Variants in CHST12 observed in about 807,000 individuals in gnomAD.
The protein encoded by CHST12 is carbohydrate sulfotransferase 12.
In CHST12, 23 loss-of-function variants were observed where a neutral mutation model predicts 27.9. The observed-to-expected ratio is 0.82, with a 90% CI of 0.59 to 1.17. The LOEUF (loss-of-function observed/expected upper bound fraction) is 1.17. Among genes scored for constraint, CHST12 ranks in the 50% most tolerant of loss-of-function variants. The pLI, the probability that CHST12 is intolerant of heterozygous loss-of-function variation, is 0.00. For synonymous variants in CHST12, 322 were observed against 273.0 expected (o/e 1.18, Z -1.77); for missense variants, 682 against 603.0 (o/e 1.13, Z -1.37).
In CHST12 at chr7:2,433,202, GCCTGCTGCACCGCGGTGCGC is replaced by G. The variant is rs1358786647; in HGVS notation, c.567_586del (p.Leu190ProfsTer198). 1.9e-6 allele frequency: 3 copies of G among 1,612,762 alleles called. No individual in the cohort carries two copies. The highest frequency in any genetic ancestry group is 2.5e-6 in the Non-Finnish European group (3 of 1,179,618). On this transcript the variant is annotated frameshift_variant, in exon 2 of 2. Coordinates refer to ENST00000618655, the MANE Select transcript of CHST12 (RefSeq NM_018641.5). LOFTEE classifies it high-confidence loss of function. The surrounding 1 kb of genome is among the most constrained non-coding windows in gnomAD (Gnocchi z 6.1). ...CGCGTGATGATCGTGCTGAGCGGAA[GCCTGCTGCACCGCGGTGCGC>G]CCTACCGCGACCCGCTGCGCATCCC...
chr7:2,433,041 C>G lies in CHST12; in HGVS notation c.402C>G (p.Asn134Lys). ...RRSVLRGFCA[N>K]SSLAFPTKER... ...GCGTGCTGCGGGGCTTCTGCGCCAA[C>G]TCCAGCCTGGCCTTCCCCACCAAGG... The change falls in exon 2 of 2, where the codon AAC (asparagine) becomes AAG (lysine). Residue 134 changes from asparagine (N) to lysine (K), a missense_variant. Physicochemically the swap from Asn to Lys is moderately conservative, Grantham distance 94. Coordinates refer to ENST00000618655, the MANE Select transcript of CHST12 (RefSeq NM_018641.5). The surrounding 1 kb of genome is among the most constrained non-coding windows in gnomAD (Gnocchi z 6.1). 6.2e-7 allele frequency: 1 copy of G among 1,611,722 alleles called. No individual in the cohort carries two copies. The highest frequency in any genetic ancestry group is 1.7e-5 in the Admixed American group (1 of 60,010).
chr7:2,414,937 G>A (rs1781765788), intron 1 of CHST12, among the ~76,000 whole-genome samples: 1 of 152,148 alleles, frequency 6.6e-6, no homozygotes, highest in Admixed American at 6.5e-5. Flanking sequence ...GATCTCTTTT[G>A]GGACTTTGTG....
chr7:2,413,177 A>G (rs1165995848), intron 1 of CHST12, among the ~76,000 whole-genome samples: 2 of 152,196 alleles, frequency 1.3e-5, no homozygotes, highest in African/African-American at 4.8e-5. Flanking sequence ...GGCCCAGGCC[A>G]CTCAGCAGAG....
In CHST12 at chr7:2,433,929, C is replaced by G. The variant is rs1057460330; in HGVS notation, c.*45C>G. ...TCTCGCGTGCCTGGAACCTGACGCA[C>G]GCGCACTCCAGTTTTTTTATGACCT... On this transcript the variant is annotated 3_prime_UTR_variant, in exon 2 of 2. Coordinates refer to ENST00000618655, the MANE Select transcript of CHST12 (RefSeq NM_018641.5). The surrounding 1 kb of genome is among the most constrained non-coding windows in gnomAD (Gnocchi z 6.1). The G allele has an allele frequency of 6.6e-7, 1 of 1,509,598 alleles. No individual in the cohort carries two copies. Among genetic ancestry groups the G allele is most frequent in the African/African-American group, 1.4e-5 (1 of 71,586 alleles). The allele number at this position is 1,509,598 out of a possible 1,614,324, so 93.5% of individuals were successfully genotyped here.
intron 1 of CHST12, among the ~76,000 whole-genome samples, chr7:2,422,189 A>G (rs1437110733): frequency 6.6e-6 from 1 of 151,042 alleles, no homozygotes; most frequent in East Asian, 1.9e-4. Context: ...TTAATTGGCA[A>G]CTTCCCTCTC....
At position 2,433,450 on chromosome 7, in the gene CHST12, G is replaced by T; in HGVS notation, c.811G>T (p.Ala271Ser). 1 of 1,610,106 alleles carries T rather than the reference G, an allele frequency of 6.2e-7. No individual in the cohort carries two copies. ...LENEEFYRKFAVPMLRLYANH... is the reference protein window; with the variant it reads ...LENEEFYRKFSVPMLRLYANH... ...GAACGAGGAGTTCTACCGCAAGTTC[G>T]CCGTGCCCATGCTGCGGCTGTACGC... is the stretch of plus-strand genomic sequence containing the variant. The change falls in exon 2 of 2, where the codon GCC becomes TCC. Residue 271 changes from alanine to serine, a missense_variant. Coordinates refer to ENST00000618655, the MANE Select transcript of CHST12 (RefSeq NM_018641.5). The surrounding 1 kb of genome is among the most constrained non-coding windows in gnomAD (Gnocchi z 6.1).
rs1583237133 is a variant in CHST12 at position 2,446,458 on chromosome 7, C to T, written c.*12574C>T. The T allele has an allele frequency of 6.6e-6, 1 of 152,118 alleles. No homozygotes were observed. The highest frequency in any genetic ancestry group is 1.9e-4 in the East Asian group (1 of 5,160). 9.4% of individuals were successfully genotyped at this position (152,118 alleles called of 1,614,324 possible). ...AGGAAGTGGTTCCACCCCAGGCAGC[C>T]AACAAGGCGGTGCCTGAACTATGTC... On this transcript the variant is annotated 3_prime_UTR_variant, in exon 2 of 2. Coordinates refer to ENST00000618655, the MANE Select transcript of CHST12 (RefSeq NM_018641.5).
At chr7:2,418,471 C>G (rs1781869823) in intron 1 of CHST12, among the ~76,000 whole-genome samples, 1 of 152,338 alleles carries the variant, frequency 6.6e-6, no homozygotes. Flanking sequence ...GGTTATACGT[C>G]TGTTCATCTG....
chr7:2,434,126 TCGCCCGCTCGCC>T lies in CHST12; in HGVS notation c.*246_*257del, dbSNP rs1782404318. 3.1e-6 allele frequency: 1 copy of T among 318,056 alleles called. No individual in the cohort carries two copies. 19.7% of individuals were successfully genotyped at this position (318,056 alleles called of 1,614,324 possible). On this transcript the variant is annotated 3_prime_UTR_variant, in exon 2 of 2. Coordinates refer to ENST00000618655, the MANE Select transcript of CHST12 (RefSeq NM_018641.5). ...TCCGCCCGCCCACCCGCCCGCCCGC[TCGCCCGCTCGCC>T]CGCTCCTGTGGTTTTTCTGAGCGTG...
intron 1 of CHST12, among the ~76,000 whole-genome samples, chr7:2,408,151 C>G (rs1781569273): frequency 6.6e-6 from 1 of 151,344 alleles, no homozygotes; most frequent in African/African-American, 2.4e-5. Flanking sequence ...GGACGGATCA[C>G]TTGAGGCCAG....
intron 1 of CHST12, among the ~76,000 whole-genome samples, chr7:2,426,852 G>A (rs1033287080): frequency 6.6e-6 from 1 of 152,032 alleles, no homozygotes; most frequent in Non-Finnish European, 1.5e-5. Flanking sequence ...TTAGCCGGGT[G>A]TCAGGGTGGG....
rs1019836664 is a variant in CHST12 at position 2,438,410 on chromosome 7, G to A, written c.*4526G>A. ...CGGCTGAGACTCTTGGCAGAGAGCT[G>A]GGGACGCTCTGTTCTCATTGGCAGC... On this transcript the variant is annotated 3_prime_UTR_variant, in exon 2 of 2. Transcript: ENST00000618655. The A allele has an allele frequency of 6.6e-6, 1 of 152,172 alleles. No homozygotes were observed. The highest frequency in any genetic ancestry group is 2.4e-5 in the African/African-American group (1 of 41,426). The allele number at this position is 152,172 out of a possible 1,614,324, so 9.4% of individuals were successfully genotyped here. A position where few individuals can be genotyped will look rare whatever the true frequency, so the allele number is the denominator to read the frequency against.
In CHST12 at chr7:2,434,117, C is replaced by CT; in HGVS notation, c.*233_*234insT. 1 of 386,332 alleles carries CT rather than the reference C, an allele frequency of 2.6e-6. No homozygotes were observed. Among genetic ancestry groups the CT allele is most frequent in the Non-Finnish European group, 4.7e-6 (1 of 210,978 alleles). 23.9% of individuals were successfully genotyped at this position (386,332 alleles called of 1,614,324 possible). On this transcript the variant is annotated 3_prime_UTR_variant, in exon 2 of 2. Coordinates refer to ENST00000618655, the MANE Select transcript of CHST12 (RefSeq NM_018641.5). ...CCTCTCCCCTCCGCCCGCCCACCCG[C>CT]CCGCCCGCTCGCCCGCTCGCCCGCT...
At chr7:2,432,541 T>A (rs1782299751) in intron 1 of CHST12, 22 bp from the exon 2 acceptor site, 3 of 1,321,756 alleles carry the variant, frequency 2.3e-6, no homozygotes, top group Non-Finnish European at 3.1e-6. Context: ...AGTCATTAAC[T>A]AGTGTGTCAT....
Position 2,425,255 on chromosome 7 carries a change from C to T in CHST12, c.-77-7308C>T, listed in dbSNP as rs138706092. Among the ~76,000 whole-genome samples, 325 of 151,828 alleles carry T rather than the reference C, an allele frequency of 2.1e-3. 1 individual carries two copies. The highest frequency in any genetic ancestry group is 7.0e-3 in the African/African-American group (289 of 41,416). The stretch of plus-strand genomic sequence containing the variant: ...AAAAAAAACGTAAAAAAACAAACCC[C>T]GGCCCAGTGAGGACCGCGCTTAGTC... On this transcript the variant is annotated intron_variant, in intron 1 of 1. Coordinates refer to ENST00000618655, the MANE Select transcript of CHST12 (RefSeq NM_018641.5).
At chr7:2,424,930 G>A (rs981211393) in intron 1 of CHST12, among the ~76,000 whole-genome samples, 24 of 152,320 alleles carry the variant, frequency 1.6e-4, no homozygotes, top group Non-Finnish European at 2.6e-4. Flanking sequence ...TCCAGGCCGG[G>A]CGTGGTGGCT....
chr7:2,413,144 G>A (rs138080130), intron 1 of CHST12, among the ~76,000 whole-genome samples: 534 of 152,326 alleles, frequency 3.5e-3, no homozygotes, highest in African/African-American at 0.012. Flanking sequence ...TAGATGGACT[G>A]AAAGTCAGAC....
chr7:2,412,255 GGTACCGC>G (rs1781686210), intron 1 of CHST12, among the ~76,000 whole-genome samples: 1 of 152,186 alleles, frequency 6.6e-6, no homozygotes, highest in Admixed American at 6.5e-5. Context: ...TAGTCCTGGA[GGTACCGC>G]GTGAAAATGT....
chr7:2,415,618 CTT>C (rs540084839), intron 1 of CHST12, among the ~76,000 whole-genome samples: 18 of 140,702 alleles, frequency 1.3e-4, no homozygotes, highest in Non-Finnish European at 1.6e-4. Flanking sequence ...TTTCTTTTTT[CTT>C]TTTTTTTTTT....
Sources: gnomAD v4.1 joint callset for allele counts (sites outside exome capture counted in the v4.1 genomes callset) on GRCh38, gnomAD v4.1.1 for gene constraint, Gnocchi (gnomAD v3.1) non-coding constraint, MANE v1.5 for transcripts, NCBI Gene and HGNC (gene_info 2026-07-23, HGNC 2026-07-21) for gene names.